IGSF11: variants seen among roughly 807,000 people sequenced by gnomAD.
IGSF11 encodes the protein CXADR like 1.
A neutral mutation model predicts 41.0 loss-of-function variants in IGSF11; 22 were observed. The ratio of observed to expected loss-of-function variants is 0.54; its 90% confidence interval spans 0.38 to 0.77. IGSF11 has a LOEUF of 0.77. IGSF11 is among the 30% of genes least tolerant of loss of function. The pLI is 0.00. For synonymous variants in IGSF11, 219 were observed against 201.3 expected (o/e 1.09, Z -0.74); for missense variants, 444 against 530.8 (o/e 0.84, Z 1.61).
At chr3:118,907,292 A>AT (rs1323213949) in intron 4 of IGSF11, among the ~76,000 whole-genome samples, 2 of 152,232 alleles carry the variant, frequency 1.3e-5, no homozygotes, top group Non-Finnish European at 2.9e-5. Context: ...TAATTCATTC[A>AT]TTTAATAAAT....
intron 3 of IGSF11, 92 bp downstream of exon 3, chr3:118,928,417 C>T: frequency 1.1e-6 from 1 of 898,222 alleles, no homozygotes; most frequent in Non-Finnish European, 1.8e-6. Flanking sequence ...CATAAGCAGA[C>T]TGAAGGTGTA....
chr3:119,064,457 T>C (rs1225557010), intron 1 of IGSF11, among the ~76,000 whole-genome samples: 1 of 151,902 alleles, frequency 6.6e-6, no homozygotes, highest in Non-Finnish European at 1.5e-5. Context: ...TAAGTCTTGA[T>C]GTCTGGTAGT....
intron 4 of IGSF11, among the ~76,000 whole-genome samples, chr3:118,918,686 A>G (rs1941434115): frequency 1.8e-5 from 2 of 112,814 alleles, no homozygotes; most frequent in African/African-American, 8.0e-5. Flanking sequence ...ATACTGCCCA[A>G]GGTAATTTAC....
At chr3:119,010,377 G>A (rs1048402849) in intron 1 of IGSF11, among the ~76,000 whole-genome samples, 2 of 152,222 alleles carry the variant, frequency 1.3e-5, no homozygotes, top group Non-Finnish European at 2.9e-5. Flanking sequence ...TTAATTGTAT[G>A]TGTCAACTTA....
chr3:119,098,383 G>C (rs1025910406), intron 1 of IGSF11, among the ~76,000 whole-genome samples: 7 of 152,142 alleles, frequency 4.6e-5, no homozygotes, highest in African/African-American at 1.7e-4. Context: ...CGCATGCTAT[G>C]TGTTACTATG....
chr3:118,997,851 C>G (rs192615328), intron 1 of IGSF11, among the ~76,000 whole-genome samples: 1 of 152,094 alleles, frequency 6.6e-6, no homozygotes, highest in African/African-American at 2.4e-5. Flanking sequence ...CAGTACTACA[C>G]AAAAATATTT....
chr3:119,040,915 A>G (rs2107747837), intron 1 of IGSF11, among the ~76,000 whole-genome samples: 1 of 152,354 alleles, frequency 6.6e-6, no homozygotes, highest in East Asian at 1.9e-4. Flanking sequence ...ATAATTCAAA[A>G]TCAAGAAATC....
At chr3:119,044,062 C>G (rs1475484695) in intron 1 of IGSF11, among the ~76,000 whole-genome samples, 1 of 152,126 alleles carries the variant, frequency 6.6e-6, no homozygotes, top group East Asian at 1.9e-4. Context: ...AAGAAAAAAT[C>G]TCTGAATTGC....
chr3:118,978,466 T>G (rs939219899), intron 1 of IGSF11, among the ~76,000 whole-genome samples: 23 of 151,896 alleles, frequency 1.5e-4, no homozygotes, highest in African/African-American at 5.6e-4. Context: ...ACCTCAACAA[T>G]CCACCTGGAG....
chr3:119,066,554 A>G (rs1318178534), intron 1 of IGSF11, among the ~76,000 whole-genome samples: 1 of 152,202 alleles, frequency 6.6e-6, no homozygotes, highest in Non-Finnish European at 1.5e-5. Flanking sequence ...GTCAGAGCCA[A>G]TTGTTAAATA....
rs1333814780 is a variant in IGSF11, at chr3:118,902,726, G to A, written c.1090C>T (p.Leu364=). ...AGAGTCTTATGTTGACCCGGGACCA[G>A]ATGGGTCCCATTAGCATAAATGGAT... ...IPSIYANGTH[L]VPGQHKTLVV... The change falls in exon 7 of 7, where the codon CTG becomes TTG. Residue 364 remains leucine (L), a synonymous_variant. Coordinates refer to ENST00000393775, the MANE Select transcript of IGSF11 (RefSeq NM_001015887.3). The A allele has an allele frequency of 1.2e-6, 2 of 1,613,848 alleles. No homozygotes were observed. The highest frequency in any genetic ancestry group is 1.3e-5 in the African/African-American group (1 of 74,922).
intron 1 of IGSF11, among the ~76,000 whole-genome samples, chr3:119,000,110 T>C (rs1324793771): frequency 6.7e-6 from 1 of 148,594 alleles, no homozygotes; most frequent in Non-Finnish European, 1.5e-5. Context: ...ACCCATTTAT[T>C]GTAAATATGA....
chr3:119,063,334 G>A (rs1481804698), intron 1 of IGSF11, among the ~76,000 whole-genome samples: 3 of 152,196 alleles, frequency 2.0e-5, no homozygotes, highest in Non-Finnish European at 4.4e-5. Flanking sequence ...TAGGCAAAGG[G>A]AAAGTGGATA....
At chr3:118,936,371 G>C (rs1003480766) in intron 1 of IGSF11, among the ~76,000 whole-genome samples, 5 of 151,996 alleles carry the variant, frequency 3.3e-5, no homozygotes, top group Admixed American at 1.3e-4. Flanking sequence ...GCCAGGCGTG[G>C]TGGCAGGTGC....
chr3:119,024,143 A>G (rs575996965), intron 1 of IGSF11, among the ~76,000 whole-genome samples: 1 of 152,304 alleles, frequency 6.6e-6, no homozygotes, highest in African/African-American at 2.4e-5. Flanking sequence ...TAAGAGCACA[A>G]TTAATTTGTT....
At position 118,904,593 on chromosome 3, in the gene IGSF11, A is replaced by T. The variant is rs144744464; in HGVS notation, c.854+55T>A. Reference sequence around the variant, plus strand: ...AGATATATCTTAACTGACACAAATGAATAGAAGTACACAATGGCTATGCAG... The same window carrying T: ...AGATATATCTTAACTGACACAAATGTATAGAAGTACACAATGGCTATGCAG... On this transcript the variant is annotated intron_variant, in intron 6 of 6. Coordinates refer to ENST00000393775, the MANE Select transcript of IGSF11 (RefSeq NM_001015887.3). 3 of 1,262,074 alleles carry T rather than the reference A, an allele frequency of 2.4e-6. No individual in the cohort carries two copies. In the East Asian group the frequency reaches 7.0e-5, roughly 29 times the overall value. The allele number at this position is 1,262,074 out of a possible 1,614,324, so 78.2% of individuals were successfully genotyped here.
At chr3:119,080,185 T>C (rs2076565846) in intron 1 of IGSF11, among the ~76,000 whole-genome samples, 1 of 152,236 alleles carries the variant, frequency 6.6e-6, no homozygotes, top group Non-Finnish European at 1.5e-5. Context: ...TCTAAACTGC[T>C]TAGCTGAAAC....
At chr3:118,907,581 G>C (rs1415021522) in intron 4 of IGSF11, among the ~76,000 whole-genome samples, 1 of 152,160 alleles carries the variant, frequency 6.6e-6, no homozygotes, top group Admixed American at 6.5e-5. Context: ...CTAAATAAAA[G>C]TGATCAATAA....
chr3:119,105,230 G>A (rs777915756), upstream of IGSF11: 4 of 1,403,244 alleles, frequency 2.9e-6, no homozygotes, highest in Admixed American at 3.5e-5. Context: ...AACAGGGGAA[G>A]AGAGACTTTA....
Sources: gnomAD v4.1 joint callset for allele counts (sites outside exome capture counted in the v4.1 genomes callset) on GRCh38, gnomAD v4.1.1 for gene constraint, MANE v1.5 for transcripts, NCBI Gene and HGNC (gene_info 2026-07-23, HGNC 2026-07-21) for gene names.